The following AARSD1 variants were observed in gnomAD, a reference collection of about 807,000 sequenced individuals.
AARSD1 encodes the protein alanyl-tRNA editing protein Aarsd1.
AARSD1 carries 44 observed loss-of-function variants against 48.7 expected under a neutral mutation model. The ratio of observed to expected loss-of-function variants is 0.90; its 90% CI spans 0.71 to 1.16. The LOEUF is 1.16. AARSD1 is among the 50% of genes most tolerant of loss of function. The pLI, the probability that AARSD1 is intolerant of heterozygous loss-of-function variation, is 0.00. For missense variants in AARSD1, 511 were observed against 523.1 expected (o/e 0.98, Z 0.23); for synonymous variants, 189 against 194.9 (o/e 0.97, Z 0.25).
intron 2 of AARSD1, 56 bp downstream of exon 2, chr17:42,964,050 T>C (rs2049676392): frequency 1.9e-6 from 3 of 1,609,704 alleles, no homozygotes; most frequent in Non-Finnish European, 2.5e-6. Context: ...CAGGAGAGCA[T>C]TTCGGCCTGA....
chr17:42,962,955 T>C (rs2049657988), intron 2 of AARSD1, among the ~76,000 whole-genome samples: 1 of 152,084 alleles, frequency 6.6e-6, no homozygotes, highest in African/African-American at 2.4e-5. Context: ...GCCTGGGAGT[T>C]CGAGGCTGCA....
chr17:42,955,587 C>T (rs918505023), intron 7 of AARSD1: 7 of 511,978 alleles, frequency 1.4e-5, no homozygotes, highest in Non-Finnish European at 2.3e-5. Flanking sequence ...TACAGGCGCC[C>T]ACCACCATGC....
chr17:42,955,973 C>G lies in AARSD1; in HGVS notation c.664-1G>C, dbSNP rs761257412. ...TCTCAGTGCCCAGAATCTTAATGAC[C>G]TACATGAGGCAAGGGGGTAACACAC... is the stretch of plus-strand genomic sequence containing the variant. On this transcript the variant is annotated splice_acceptor_variant, in intron 6 of 11. Transcript: ENST00000427569. LOFTEE classifies it high-confidence loss of function. 64 of 1,613,874 alleles carry G rather than the reference C, an allele frequency of 4.0e-5. No individual in the cohort carries two copies. Among genetic ancestry groups the G allele is most frequent in the Non-Finnish European group, 5.4e-5 (64 of 1,180,004 alleles).
Position 42,951,805 on chromosome 17 carries a change from C to G in AARSD1, c.1098G>C (p.Gly366=). Reference sequence around the variant, plus strand: ...GAGAGTCCACAAAGAATTACCTGGGCCCCAGGGTCTCCACAGACGCAGGTG... The same window carrying G: ...GAGAGTCCACAAAGAATTACCTGGGGCCCAGGGTCTCCACAGACGCAGGTG... ...AGPPASVETL[G]PRVAEVLEGK... Residue 366 remains glycine (G), a synonymous_variant, in exon 11 of 12, where the codon GGG becomes GGC. Transcript: ENST00000427569. 6.2e-7 allele frequency: 1 copy of G among 1,614,094 alleles called. No homozygotes were observed. Among genetic ancestry groups the G allele is most frequent in the South Asian group, 1.1e-5 (1 of 91,078 alleles).
At chr17:42,959,196 CAAAAA>C (rs1196945159) in intron 3 of AARSD1, among the ~76,000 whole-genome samples, 1 of 59,964 alleles carries the variant, frequency 1.7e-5, no homozygotes, top group Non-Finnish European at 3.2e-5. Context: ...GACTTTGTCT[CAAAAA>C]AAAAAAAAAA....
chr17:42,963,636 A>T (rs2049669118), intron 2 of AARSD1, among the ~76,000 whole-genome samples: 1 of 151,996 alleles, frequency 6.6e-6, no homozygotes, highest in Non-Finnish European at 1.5e-5. Context: ...TAAAACCCGA[A>T]GCTAATTCCT....
rs77380213 is a variant in AARSD1, at chr17:42,961,157, T to A, written c.331+35A>T. On this transcript the variant is annotated intron_variant, in intron 3 of 11. Coordinates refer to ENST00000427569, the MANE Select transcript of AARSD1 (RefSeq NM_001261434.2). ...TCACAGCATCCCCATACATGGCAAC[T>A]GCTCCGGTGTTATGTCCCCCATCCC... The A allele has an allele frequency of 1.6e-3, 2,489 of 1,580,936 alleles. 43 individuals are homozygous for A. In the African/African-American group the frequency reaches 0.03, roughly 19 times the overall value.
chr17:42,952,406 T>A (rs2151939612), intron 10 of AARSD1, among the ~76,000 whole-genome samples: 1 of 152,292 alleles, frequency 6.6e-6, no homozygotes, highest in African/African-American at 2.4e-5. Context: ...GACTAGAATA[T>A]GAGCTTCTTG....
Position 42,956,324 on chromosome 17 carries a change from G to C in AARSD1, c.547-4C>G, listed in dbSNP as rs1269078802. 6.2e-7 allele frequency: 1 copy of C among 1,613,994 alleles called. No homozygotes were observed. The highest frequency in any genetic ancestry group is 1.3e-5 in the African/African-American group (1 of 74,896). On this transcript the variant is annotated splice_polypyrimidine_tract_variant and splice_region_variant and intron_variant, in intron 5 of 11. Coordinates refer to ENST00000427569, the MANE Select transcript of AARSD1 (RefSeq NM_001261434.2). ...CAGGCAAACCCCGGCCACTCACCTG[G>C]ACTCAAGGAGAGGGGAGGGACTGTC... is the stretch of plus-strand genomic sequence containing the variant.
intron 10 of AARSD1, among the ~76,000 whole-genome samples, chr17:42,952,937 C>T (rs2049498906): frequency 6.6e-6 from 1 of 151,904 alleles, no homozygotes; most frequent in African/African-American, 2.4e-5. Context: ...CCTCAACCTC[C>T]CAAGTAGCTG....
intron 10 of AARSD1, 129 bp downstream of exon 10, chr17:42,953,595 T>C (rs1329030218): frequency 5.0e-6 from 6 of 1,205,818 alleles, no homozygotes; most frequent in Non-Finnish European, 7.2e-6. Flanking sequence ...GAAAACAGTA[T>C]TGAATGAATG....
At chr17:42,956,370 T>C in intron 5 of AARSD1, 34 bp downstream of exon 5, 2 of 1,614,058 alleles carry the variant, frequency 1.2e-6, no homozygotes, top group South Asian at 2.2e-5. Flanking sequence ...GAGGAATCAT[T>C]CCGCAGAAAC....
chr17:42,955,273 T>C (rs2049532799), intron 7 of AARSD1, 49 bp from the exon 8 acceptor site: 1 of 1,609,248 alleles, frequency 6.2e-7, no homozygotes, highest in Non-Finnish European at 8.5e-7. Flanking sequence ...CAGTCGTTTC[T>C]GATGTTGGGG....
rs537082191 is a variant in AARSD1 at position 42,956,115 on chromosome 17, G to C, written c.663+89C>G. ...GGGGAGATTTCACTTAGGACTCCTC[G>C]ATTATCCCCCTCTCCCACTCCCAGC... On this transcript the variant is annotated intron_variant, in intron 6 of 11. Coordinates refer to ENST00000427569, the MANE Select transcript of AARSD1 (RefSeq NM_001261434.2). 1.6e-5 allele frequency: 26 copies of C among 1,609,658 alleles called. No individual in the cohort carries two copies. The Admixed American group carries it at 2.8e-4, about 18-fold the overall frequency.
chr17:42,951,870 CCA>C lies in AARSD1; in HGVS notation c.1031_1032del (p.Val344GlyfsTer3), dbSNP rs778204640. The C allele has an allele frequency of 6.2e-7, 1 of 1,613,994 alleles. No homozygotes were observed. The highest frequency in any genetic ancestry group is 1.3e-5 in the African/African-American group (1 of 74,914). On this transcript the variant is annotated frameshift_variant, in exon 11 of 12. Transcript: ENST00000427569. LOFTEE classifies it high-confidence loss of function. ...GSEETLLFLT[V>X]GDEKGGGLFL... ...AAGAGTCCACCACCTTTCTCATCGCCCACAGTTAAGAACAGGAGGGTCTCCTA... is the reference window on the plus strand; with the variant it reads ...AAGAGTCCACCACCTTTCTCATCGCCCAGTTAAGAACAGGAGGGTCTCCTA...
chr17:42,957,111 AC>A, intron 4 of AARSD1, 26 bp downstream of exon 4: 3 of 1,611,916 alleles, frequency 1.9e-6, no homozygotes, highest in Non-Finnish European at 2.5e-6. Flanking sequence ...GGGCCTGCCT[AC>A]AGTTAGTCTT....
At chr17:42,954,002 G>A in intron 9 of AARSD1, 2 of 570,716 alleles carry the variant, frequency 3.5e-6, no homozygotes, top group South Asian at 2.0e-5. Context: ...CCTTAAATAG[G>A]ATTCACCAGG....
intron 3 of AARSD1, 69 bp downstream of exon 3, chr17:42,961,123 T>C: frequency 6.5e-7 from 1 of 1,534,488 alleles, no homozygotes; most frequent in South Asian, 1.3e-5. Flanking sequence ...CCAAACTACG[T>C]CTCAGTCATC....
At chr17:42,960,721 CAAAAAAAA>C (rs912931801) in intron 3 of AARSD1, among the ~76,000 whole-genome samples, 2 of 77,884 alleles carry the variant, frequency 2.6e-5, no homozygotes, top group African/African-American at 4.3e-5. Context: ...AACTCTGTGT[CAAAAAAAA>C]AAAAAAAAAA....
Sources: allele counts gnomAD v4.1 joint callset (sites outside exome capture counted in the v4.1 genomes callset), GRCh38; gene constraint gnomAD v4.1.1; transcripts MANE v1.5; gene names NCBI Gene and HGNC (gene_info 2026-07-23, HGNC 2026-07-21).